Variants in SDK1 observed in about 807,000 individuals in gnomAD.
SDK1 encodes the protein protein sidekick-1.
In SDK1, 157 loss-of-function variants were observed where a neutral mutation model predicts 245.5. The ratio of observed to expected loss-of-function variants is 0.64; its 90% CI spans 0.56 to 0.73. The LOEUF (loss-of-function observed/expected upper bound fraction) is 0.73. SDK1 is among the 30% of genes least tolerant of loss of function. The probability of loss-of-function intolerance (pLI) is 0.00; values close to 1 mark genes in which losing one functional copy is unlikely to be tolerated. For synonymous variants in SDK1, 1,647 were observed against 1,278.5 expected (o/e 1.29, Z -6.15); for missense variants, 3,583 against 3,002.3 (o/e 1.19, Z -4.52).
chr7:3,566,382 G>C (rs1461023000), intron 1 of SDK1, among the ~76,000 whole-genome samples: 1 of 151,758 alleles, frequency 6.6e-6, no homozygotes. Flanking sequence ...CCGCCATCAC[G>C]CCCAGCTAAT....
chr7:3,785,611 G>A (rs1198576484), intron 4 of SDK1, among the ~76,000 whole-genome samples: 2 of 152,156 alleles, frequency 1.3e-5, no homozygotes, highest in Admixed American at 6.5e-5. Context: ...GACTATTGGT[G>A]TAAATGCTTT....
At chr7:3,301,918 C>A in intron 1 of SDK1, 34 bp downstream of exon 1, 10 of 1,126,974 alleles carry the variant, frequency 8.9e-6, no homozygotes, top group Non-Finnish European at 1.1e-5. Context: ...CCGGGGGCGT[C>A]GCCTCGGGGC....
chr7:3,915,378 G>A (rs1472804762), intron 5 of SDK1, among the ~76,000 whole-genome samples: 3 of 152,166 alleles, frequency 2.0e-5, no homozygotes, highest in Non-Finnish European at 2.9e-5. Context: ...TAATTCCCAC[G>A]TGTTGTGGGA....
intron 1 of SDK1, among the ~76,000 whole-genome samples, chr7:3,409,499 A>AT: frequency 6.6e-6 from 1 of 152,198 alleles, no homozygotes; most frequent in East Asian, 1.9e-4. Context: ...TTTTCATCAA[A>AT]TTTTATACAA....
intron 4 of SDK1, among the ~76,000 whole-genome samples, chr7:3,792,517 T>C (rs569346607): frequency 6.6e-6 from 1 of 152,364 alleles, no homozygotes; most frequent in Non-Finnish European, 1.5e-5. Context: ...TGTTAGTTGA[T>C]GAATAAGCGA....
chr7:3,581,022 A>G (rs1196203004), intron 1 of SDK1, among the ~76,000 whole-genome samples: 4 of 149,898 alleles, frequency 2.7e-5, no homozygotes, highest in Admixed American at 6.8e-5. Context: ...AAGACAATCT[A>G]TGCATTACCA....
chr7:3,375,568 C>T (rs923422711), intron 1 of SDK1, among the ~76,000 whole-genome samples: 5 of 152,020 alleles, frequency 3.3e-5, no homozygotes, highest in African/African-American at 1.2e-4. Flanking sequence ...TCATACAAGA[C>T]ATTGTAACCT....
intron 13 of SDK1, among the ~76,000 whole-genome samples, chr7:3,979,715 C>G (rs542834151): frequency 6.6e-6 from 1 of 152,172 alleles, no homozygotes; most frequent in Non-Finnish European, 1.5e-5. Flanking sequence ...TTAGTAGCGT[C>G]TTTGCTCTAG....
chr7:3,625,079 C>T (rs74422858), intron 2 of SDK1, among the ~76,000 whole-genome samples: 2,045 of 152,130 alleles, frequency 0.013, 18 homozygotes, highest in Middle Eastern at 0.027. Flanking sequence ...CAAATGAGTT[C>T]TCAAACCAAT....
intron 5 of SDK1, among the ~76,000 whole-genome samples, chr7:3,884,112 G>T (rs1000438326): frequency 6.8e-6 from 1 of 147,002 alleles, no homozygotes; most frequent in Non-Finnish European, 1.5e-5. Flanking sequence ...ACAGGGTCTC[G>T]CTGTGTCACG....
chr7:3,595,155 G>C (rs943285691), intron 1 of SDK1, among the ~76,000 whole-genome samples: 1 of 152,034 alleles, frequency 6.6e-6, no homozygotes, highest in African/African-American at 2.4e-5. Flanking sequence ...AATCTTGCCT[G>C]AATAATGTGA....
rs146006888 is a variant in SDK1, at chr7:4,077,965, G to A, written c.3202+776G>A. ...GTTAACACTAGAAGCACATCTGGGT[G>A]CAAGTTACCAGAGTTTTCCTGAGAT... On this transcript the variant is annotated intron_variant, in intron 21 of 44. Coordinates refer to ENST00000404826, the MANE Select transcript of SDK1 (RefSeq NM_152744.4). Among the ~76,000 whole-genome samples, 12 of 152,326 alleles carry A rather than the reference G, an allele frequency of 7.9e-5. No individual in the cohort carries two copies. The East Asian group carries it at 2.3e-3, about 29-fold the overall frequency.
rs533076238 is a variant in SDK1 at position 4,129,299 on chromosome 7, G to A, written c.3940-609G>A. Among the ~76,000 whole-genome samples the A allele has an allele frequency of 1.9e-3, 282 of 145,530 alleles. 3 individuals are homozygous for A. The highest frequency in any genetic ancestry group is 6.4e-3 in the African/African-American group (251 of 39,430). ...TGGGTGCCCTGGAATAGAGCAGCTC[G>A]GGGTGGGGTCCCCTGGAATAGAGCA... On this transcript the variant is annotated intron_variant, in intron 26 of 44. Transcript: ENST00000404826.
intron 7 of SDK1, among the ~76,000 whole-genome samples, chr7:3,955,107 T>C (rs1417369831): frequency 6.6e-6 from 1 of 152,196 alleles, no homozygotes; most frequent in African/African-American, 2.4e-5. Flanking sequence ...ACATGTGCCC[T>C]GCTCCTGCTG....
intron 1 of SDK1, among the ~76,000 whole-genome samples, chr7:3,380,974 T>G (rs1781473484): frequency 6.6e-6 from 1 of 152,180 alleles, no homozygotes; most frequent in Non-Finnish European, 1.5e-5. Context: ...TGGAGCACAT[T>G]GCTGTTCAAA....
intron 19 of SDK1, among the ~76,000 whole-genome samples, chr7:4,060,074 G>A (rs1779438003): frequency 6.6e-6 from 1 of 151,870 alleles, no homozygotes; most frequent in Admixed American, 6.6e-5. Flanking sequence ...GTAGAGACGG[G>A]GTTTCACCAT....
At chr7:3,727,004 C>T (rs1396220871) in intron 4 of SDK1, among the ~76,000 whole-genome samples, 1 of 152,218 alleles carries the variant, frequency 6.6e-6, no homozygotes, top group African/African-American at 2.4e-5. Flanking sequence ...GATAAATTGA[C>T]CATGAATAAG....
At chr7:3,366,363 TA>T (rs1380189782) in intron 1 of SDK1, among the ~76,000 whole-genome samples, 12 of 152,056 alleles carry the variant, frequency 7.9e-5, no homozygotes, top group Admixed American at 7.9e-4. Context: ...TTTTTTTTTT[TA>T]TTTCACAATA....
chr7:4,120,579 T>C (rs910470698), intron 25 of SDK1, among the ~76,000 whole-genome samples: 5 of 148,962 alleles, frequency 3.4e-5, no homozygotes, highest in African/African-American at 4.9e-5. Context: ...ATGAAGACAA[T>C]TTAATCAAAA....
Sources: gnomAD v4.1 joint callset for allele counts (sites outside exome capture counted in the v4.1 genomes callset) on GRCh38, gnomAD v4.1.1 for gene constraint, MANE v1.5 for transcripts, NCBI Gene and HGNC (gene_info 2026-07-23, HGNC 2026-07-21) for gene names.